The following QPCT variants were observed in gnomAD, a reference collection of about 807,000 sequenced individuals.
QPCT encodes the protein glutaminyl-peptide cyclotransferase, also known as EC.
In QPCT, 44 loss-of-function variants were observed where a neutral mutation model predicts 43.4. The ratio of observed to expected loss-of-function variants is 1.01; its 90% CI spans 0.80 to 1.30. The LOEUF (loss-of-function observed/expected upper bound fraction) is 1.30. Ranked by LOEUF, QPCT falls within the 50% of genes most tolerant of loss-of-function variation. The pLI is 0.00. For missense variants in QPCT, 526 were observed against 436.5 expected, an observed-to-expected ratio of 1.21 and a Z score of -1.83; for synonymous variants, 168 against 168.4, an observed-to-expected ratio of 1.00 and a Z score of 0.02.
At chr2:37,363,554 C>T (rs1672897120) in intron 3 of QPCT, among the ~76,000 whole-genome samples, 1 of 150,910 alleles carries the variant, frequency 6.6e-6, no homozygotes. Flanking sequence ...TTGCTTGAGC[C>T]CAGGAGTTCA....
intron 3 of QPCT, 111 bp downstream of exon 3, chr2:37,359,969 T>G (rs1295679196): frequency 6.9e-6 from 8 of 1,151,616 alleles, no homozygotes; most frequent in Non-Finnish European, 9.9e-6. Flanking sequence ...TGGAGACTTT[T>G]GGTACATTTT....
chr2:37,344,661 G>C lies in QPCT; in HGVS notation c.-71G>C. On this transcript the variant is annotated 5_prime_UTR_variant, in exon 1 of 7. Coordinates refer to ENST00000338415, the MANE Select transcript of QPCT (RefSeq NM_012413.4). The stretch of plus-strand genomic sequence containing the variant: ...CCCAAGGGTGGAGAAGAGGGAAGGC[G>C]AAGGACGCGCGTTCCCGGGCTCGTG... 1.3e-6 allele frequency: 2 copies of C among 1,531,732 alleles called. No individual in the cohort carries two copies. Among genetic ancestry groups the C allele is most frequent in the South Asian group, 2.4e-5 (2 of 82,788 alleles). 94.9% of individuals were successfully genotyped at this position (1,531,732 alleles called of 1,614,324 possible).
rs113666578 is a variant in QPCT at position 37,372,936 on chromosome 2, A to G, written c.*109A>G. On this transcript the variant is annotated 3_prime_UTR_variant, in exon 7 of 7. Transcript: ENST00000338415. The stretch of plus-strand genomic sequence containing the variant: ...AATGCTGTGTGGAAACATCTATCCT[A>G]TAGATCATCCTATTCTTATGTGTCT... 1 of 935,908 alleles carries G rather than the reference A, an allele frequency of 1.1e-6. No individual in the cohort carries two copies. Among genetic ancestry groups the G allele is most frequent in the Non-Finnish European group, 1.6e-6 (1 of 643,644 alleles). The allele number at this position is 935,908 out of a possible 1,614,324, so 58.0% of individuals were successfully genotyped here. A position where few individuals can be genotyped will look rare whatever the true frequency, so the allele number is the denominator to read the frequency against.
At chr2:37,370,292 G>A (rs1309344961) in intron 5 of QPCT, among the ~76,000 whole-genome samples, 2 of 151,702 alleles carry the variant, frequency 1.3e-5, no homozygotes, top group Non-Finnish European at 2.9e-5. Context: ...TTTCATCTTT[G>A]TAGTAAGCCC....
At chr2:37,361,764 G>A (rs1672861879) in intron 3 of QPCT, among the ~76,000 whole-genome samples, 1 of 152,224 alleles carries the variant, frequency 6.6e-6, no homozygotes, top group East Asian at 1.9e-4. Context: ...CCACTGTGTT[G>A]ATGGGGTGTT....
chr2:37,367,122 TCTTC>T, intron 3 of QPCT, 106 bp from the exon 4 acceptor site: 1 of 1,248,672 alleles, frequency 8.0e-7, no homozygotes, highest in East Asian at 2.4e-5. Context: ...TGCTTTGGTA[TCTTC>T]CTTTCTTTAT....
rs1184606618 is a variant in QPCT at position 37,344,939 on chromosome 2, C to T, written c.120+88C>T. Reference sequence around the variant, plus strand: ...CCGGGTCAGCCCTACCTAGGCAGAGCGGGAGGCGGGGCAGGGCCACGGTCC... The same window carrying T: ...CCGGGTCAGCCCTACCTAGGCAGAGTGGGAGGCGGGGCAGGGCCACGGTCC... On this transcript the variant is annotated intron_variant, in intron 1 of 6. Transcript: ENST00000338415. 25 of 1,443,872 alleles carry T rather than the reference C, an allele frequency of 1.7e-5. No homozygotes were observed. The African/African-American group carries it at 2.4e-4, about 14-fold the overall frequency. 89.4% of individuals were successfully genotyped at this position (1,443,872 alleles called of 1,614,324 possible).
rs757968934 is a variant in QPCT at position 37,372,675 on chromosome 2, T to G, written c.941-7T>G. The G allele has an allele frequency of 1.9e-6, 3 of 1,610,966 alleles. No individual in the cohort carries two copies. The highest frequency in any genetic ancestry group is 4.5e-5 in the East Asian group (2 of 44,874). On this transcript the variant is annotated splice_polypyrimidine_tract_variant and splice_region_variant and intron_variant, in intron 6 of 6. Transcript: ENST00000338415. ...CACATTGTTACAAGTTGGTTCTTTC[T>G]TAATAGGTGTTCCAGTTCTGCATCT...
rs1672819982 is a variant in QPCT at position 37,359,536 on chromosome 2, C to T, written c.268-44C>T. On this transcript the variant is annotated intron_variant, in intron 2 of 6. Coordinates refer to ENST00000338415, the MANE Select transcript of QPCT (RefSeq NM_012413.4). ...CAGAATCACAGTTAACAAATGAAAG[C>T]CATTTCTTTAGATCTAAATTTTTTG... 12 of 1,547,310 alleles carry T rather than the reference C, an allele frequency of 7.8e-6. No homozygotes were observed. The East Asian group carries it at 2.5e-4, about 32-fold the overall frequency.
chr2:37,352,025 A>G (rs1363093320), intron 1 of QPCT, among the ~76,000 whole-genome samples: 1 of 147,970 alleles, frequency 6.8e-6, no homozygotes, highest in Non-Finnish European at 1.5e-5. Context: ...AGAAACCCCA[A>G]CTTCAAAAAA....
At chr2:37,360,317 A>G (rs559681341) in intron 3 of QPCT, among the ~76,000 whole-genome samples, 115 of 152,326 alleles carry the variant, frequency 7.5e-4, no homozygotes, top group Middle Eastern at 3.4e-3. Flanking sequence ...ATTCAGACCT[A>G]TCAAGATGAA....
At chr2:37,357,834 A>G (rs1340577166) in intron 2 of QPCT, among the ~76,000 whole-genome samples, 1 of 152,148 alleles carries the variant, frequency 6.6e-6, no homozygotes, top group Non-Finnish European at 1.5e-5. Context: ...TAGTGAGCAC[A>G]GGCCACATGG....
intron 3 of QPCT, among the ~76,000 whole-genome samples, chr2:37,361,269 G>A: frequency 6.6e-6 from 1 of 152,078 alleles, no homozygotes; most frequent in East Asian, 1.9e-4. Flanking sequence ...TCATGGATTG[G>A]GTAGACGGTG....
At chr2:37,368,931 T>C (rs1469202202) in intron 4 of QPCT, among the ~76,000 whole-genome samples, 2 of 152,228 alleles carry the variant, frequency 1.3e-5, no homozygotes, top group African/African-American at 4.8e-5. Flanking sequence ...ATGATGAATA[T>C]ATTGAATTTT....
chr2:37,348,322 C>G (rs1572727331), intron 1 of QPCT, among the ~76,000 whole-genome samples: 1 of 152,206 alleles, frequency 6.6e-6, no homozygotes, highest in East Asian at 1.9e-4. Flanking sequence ...GTGGTTAAAG[C>G]CCGCACGGCT....
chr2:37,363,937 A>G (rs1393415911), intron 3 of QPCT, among the ~76,000 whole-genome samples: 4 of 152,076 alleles, frequency 2.6e-5, no homozygotes, highest in African/African-American at 9.7e-5. Flanking sequence ...CTTTTTTTAG[A>G]AGAGGAATGA....
chr2:37,347,170 T>TATATATATATATATATTATATATATAAC (rs1672512668), intron 1 of QPCT, among the ~76,000 whole-genome samples: 1 of 52,850 alleles, frequency 1.9e-5, no homozygotes, highest in African/African-American at 8.5e-5. Context: ...ATATAACATA[T>TATATATATATATATATTATATATATAAC]ATATATATAA....
chr2:37,360,783 T>C (rs906748657), intron 3 of QPCT, among the ~76,000 whole-genome samples: 1 of 152,232 alleles, frequency 6.6e-6, no homozygotes, highest in African/African-American at 2.4e-5. Context: ...TTGTTTTGTT[T>C]TCTGAGCCTT....
chr2:37,367,149 T>C, intron 3 of QPCT, 83 bp from the exon 4 acceptor site: 1 of 1,420,516 alleles, frequency 7.0e-7, no homozygotes, highest in Non-Finnish European at 9.6e-7. Flanking sequence ...CACATCTATC[T>C]TTTTGCCCAA....
Sources: gnomAD v4.1 joint callset for allele counts (sites outside exome capture counted in the v4.1 genomes callset) on GRCh38, gnomAD v4.1.1 for gene constraint, MANE v1.5 for transcripts, NCBI Gene and HGNC (gene_info 2026-07-23, HGNC 2026-07-21) for gene names.